The following NRDC variants were observed in gnomAD, a reference collection of about 807,000 sequenced individuals.
The protein encoded by NRDC is nardilysin.
NRDC carries 54 observed loss-of-function variants against 147.1 expected under a neutral mutation model. The observed-to-expected ratio is 0.37, with a 90% CI of 0.29 to 0.46. The LOEUF (loss-of-function observed/expected upper bound fraction) is 0.46, where lower values mean the gene tolerates loss of function less well. NRDC is among the 20% of genes least tolerant of loss of function. The probability of loss-of-function intolerance (pLI) is 1.00; values close to 1 mark genes in which losing one functional copy is unlikely to be tolerated. For synonymous variants in NRDC, 440 were observed against 482.1 expected (o/e 0.91, Z 1.14); for missense variants, 1,082 against 1,370.6 (o/e 0.79, Z 3.33).
chr1:51,867,396 T>A (rs146239615), intron 1 of NRDC, among the ~76,000 whole-genome samples: 1 of 151,658 alleles, frequency 6.6e-6, no homozygotes, highest in African/African-American at 2.4e-5. Flanking sequence ...CAAATGACAA[T>A]AAGTGCTATA....
At chr1:51,867,580 T>C (rs1682878698) in intron 1 of NRDC, among the ~76,000 whole-genome samples, 1 of 152,120 alleles carries the variant, frequency 6.6e-6, no homozygotes, top group African/African-American at 2.4e-5. Context: ...AAGAGATCTG[T>C]GAATAAGCAG....
intron 22 of NRDC, among the ~76,000 whole-genome samples, chr1:51,796,595 T>C (rs1267413878): frequency 2.0e-5 from 3 of 148,954 alleles, no homozygotes; most frequent in Non-Finnish European, 3.0e-5. Flanking sequence ...TCTCAACTTT[T>C]TTTTTTTTTA....
intron 1 of NRDC, among the ~76,000 whole-genome samples, chr1:51,844,586 CA>C (rs893904301): frequency 4.6e-5 from 7 of 151,394 alleles, no homozygotes; most frequent in Non-Finnish European, 8.8e-5. Context: ...ACTAAAAATA[CA>C]AAAAAATTAG....
At position 51,807,796 on chromosome 1, in the gene NRDC, C is replaced by CT. The variant is rs35756457; in HGVS notation, c.1991-884dup. Reference sequence around the variant, plus strand: ...AAGTGTCTAATATAGATAATTAATACTTTTTTTTTTTTTTTTTTTGGCGTG... The same window carrying CT: ...AAGTGTCTAATATAGATAATTAATACTTTTTTTTTTTTTTTTTTTTGGCGTG... On this transcript the variant is annotated intron_variant, in intron 17 of 30. Transcript: ENST00000352171. Among the ~76,000 whole-genome samples, 727 of 127,428 alleles carry CT rather than the reference C, an allele frequency of 5.7e-3. 6 individuals are homozygous for CT. Among genetic ancestry groups the CT allele is most frequent in the East Asian group, 0.027 (126 of 4,690 alleles). The allele number at this position is 127,428 out of a possible 152,430, so 83.6% of individuals were successfully genotyped here.
chr1:51,840,314 T>A lies in NRDC; in HGVS notation c.542A>T (p.Glu181Val), dbSNP rs747122366. The A allele has an allele frequency of 1.3e-6, 2 of 1,565,430 alleles. No homozygotes were observed. Among genetic ancestry groups the A allele is most frequent in the Admixed American group, 3.3e-5 (2 of 59,770 alleles). The change falls in exon 2 of 31, where the codon GAA becomes GTA. Residue 181 changes from glutamate to valine, a missense_variant. Glu to Val is a moderately radical substitution (Grantham distance 121). This residue lies in a region of NRDC where 260 missense variants were observed against 253.2 expected (regional missense o/e 1.03). Transcript: ENST00000352171. ...GFDDEDEFDDEHDDDLDTEDN... is the reference protein window; with the variant it reads ...GFDDEDEFDDVHDDDLDTEDN... ...CTCAGTATCAAGATCATCATCATGT[T>A]CATCATCAAACTCATCTTCATCATC...
chr1:51,791,116 TAA>T, intron 27 of NRDC, 126 bp from the exon 28 acceptor site: 1 of 680,914 alleles, frequency 1.5e-6, no homozygotes, highest in Non-Finnish European at 2.5e-6. Flanking sequence ...GAAAAAAAGC[TAA>T]AGTGTTTTCC....
chr1:51,816,407 T>C lies in NRDC; in HGVS notation c.1362-18A>G. ...GCTTCACCCTTTTAAAAAAATTTAA[T>C]GGTCAGAAGAAAAAAACAAAAGGTA... On this transcript the variant is annotated intron_variant, in intron 10 of 30. Coordinates refer to ENST00000352171, the MANE Select transcript of NRDC (RefSeq NM_001101662.2). 6.6e-7 allele frequency: 1 copy of C among 1,511,802 alleles called. No individual in the cohort carries two copies. Among genetic ancestry groups the C allele is most frequent in the Non-Finnish European group, 8.9e-7 (1 of 1,117,692 alleles). The allele number at this position is 1,511,802 out of a possible 1,614,324, so 93.6% of individuals were successfully genotyped here.
At chr1:51,846,707 T>C (rs981426472) in intron 1 of NRDC, among the ~76,000 whole-genome samples, 1 of 152,228 alleles carries the variant, frequency 6.6e-6, no homozygotes, top group Non-Finnish European at 1.5e-5. Context: ...ACAAGATTTA[T>C]CGCCAACAGC....
intron 7 of NRDC, among the ~76,000 whole-genome samples, chr1:51,823,442 T>G (rs1003215494): frequency 6.6e-6 from 1 of 152,212 alleles, no homozygotes; most frequent in Non-Finnish European, 1.5e-5. Context: ...AGATAAGACC[T>G]ATTTCTGTAA....
At chr1:51,799,911 A>G (rs1679112084) in intron 21 of NRDC, among the ~76,000 whole-genome samples, 1 of 152,198 alleles carries the variant, frequency 6.6e-6, no homozygotes, top group South Asian at 2.1e-4. Context: ...ATGTTTAGCA[A>G]TTTAACTCAG....
At chr1:51,863,606 T>C (rs557073840) in intron 1 of NRDC, among the ~76,000 whole-genome samples, 1 of 152,162 alleles carries the variant, frequency 6.6e-6, no homozygotes, top group African/African-American at 2.4e-5. Context: ...CCACAAACTA[T>C]AGTTTCAGAA....
At chr1:51,844,743 G>C (rs936219722) in intron 1 of NRDC, among the ~76,000 whole-genome samples, 1 of 137,582 alleles carries the variant, frequency 7.3e-6, no homozygotes, top group African/African-American at 2.7e-5. Context: ...GACTCAGGAA[G>C]AAAGGAATTC....
chr1:51,794,769 T>C, intron 23 of NRDC, 54 bp downstream of exon 23: 1 of 1,605,718 alleles, frequency 6.2e-7, no homozygotes, highest in Non-Finnish European at 8.5e-7. Context: ...TGTGGCTCCA[T>C]GCCCTCTCGC....
chr1:51,827,945 A>G, intron 4 of NRDC, 76 bp from the exon 5 acceptor site: 2 of 1,129,184 alleles, frequency 1.8e-6, no homozygotes, highest in Non-Finnish European at 2.6e-6. Flanking sequence ...TAATTAAGAA[A>G]CTTACTAAGT....
At chr1:51,816,239 A>T in intron 11 of NRDC, 73 bp downstream of exon 11, 1 of 846,422 alleles carries the variant, frequency 1.2e-6, no homozygotes, top group Non-Finnish European at 1.8e-6. Flanking sequence ...AAAAGAATGC[A>T]TTATATAATA....
chr1:51,868,802 G>A (rs1470557895), intron 1 of NRDC, among the ~76,000 whole-genome samples: 1 of 152,106 alleles, frequency 6.6e-6, no homozygotes, highest in Non-Finnish European at 1.5e-5. Context: ...GAGCCTGGGA[G>A]GTGGAGGTTG....
chr1:51,873,959 C>A (rs1414255442), intron 1 of NRDC, among the ~76,000 whole-genome samples: 1 of 151,234 alleles, frequency 6.6e-6, no homozygotes, highest in African/African-American at 2.4e-5. Context: ...GAGGCAGAGG[C>A]AGGCAGATCT....
At chr1:51,867,377 A>T (rs768002468) in intron 1 of NRDC, among the ~76,000 whole-genome samples, 37 of 152,238 alleles carry the variant, frequency 2.4e-4, no homozygotes, top group Non-Finnish European at 4.6e-4. Flanking sequence ...TGCACAAGTA[A>T]ATTTATGTCA....
chr1:51,846,570 G>A (rs1389217531), intron 1 of NRDC, among the ~76,000 whole-genome samples: 1 of 152,172 alleles, frequency 6.6e-6, no homozygotes, highest in Non-Finnish European at 1.5e-5. Context: ...TCCAATGTTC[G>A]GATGTGTTCA....
Sources: gnomAD v4.1 joint callset for allele counts (sites outside exome capture counted in the v4.1 genomes callset) on GRCh38, gnomAD v4.1.1 for gene constraint, gnomAD v4.1.1 regional missense constraint, MANE v1.5 for transcripts, NCBI Gene and HGNC (gene_info 2026-07-23, HGNC 2026-07-21) for gene names.